Variants in JAK1 observed in about 807,000 individuals in gnomAD.
JAK1 encodes the protein Janus kinase 1.
In JAK1, 16 loss-of-function variants were observed where a neutral mutation model predicts 136.6. The observed-to-expected ratio is 0.12, with a 90% CI of 0.08 to 0.18. The LOEUF (loss-of-function observed/expected upper bound fraction) is 0.18. JAK1 is among the 10% of genes least tolerant of loss of function. The pLI is 1.00. For missense variants in JAK1, 859 were observed against 1,450.1 expected (o/e 0.59, Z 6.62); for synonymous variants, 492 against 519.5 (o/e 0.95, Z 0.72).
At chr1:64,940,068 C>T (rs972103513) in intron 1 of JAK1, among the ~76,000 whole-genome samples, 2 of 151,848 alleles carry the variant, frequency 1.3e-5, no homozygotes, top group Non-Finnish European at 2.9e-5. Flanking sequence ...AACTAGATGT[C>T]AACAAACCTA....
chr1:65,062,015 C>G (rs1647812500), intron 1 of JAK1, among the ~76,000 whole-genome samples: 1 of 151,946 alleles, frequency 6.6e-6, no homozygotes, highest in Non-Finnish European at 1.5e-5. Flanking sequence ...TAATCTCATG[C>G]TATGTAACTT....
chr1:64,966,777 T>C (rs1404882227), upstream of JAK1, among the ~76,000 whole-genome samples: 2 of 149,836 alleles, frequency 1.3e-5, no homozygotes, highest in African/African-American at 2.4e-5. Context: ...TTCTAGAATC[T>C]AGAAACTCAT....
At chr1:64,836,709 C>A (rs61784687) in intron 22 of JAK1, among the ~76,000 whole-genome samples, 2,672 of 152,270 alleles carry the variant, frequency 0.018, 27 homozygotes, top group Non-Finnish European at 0.024. Context: ...CTACTCACTT[C>A]TCTCAAACCC....
intron 3 of JAK1, among the ~76,000 whole-genome samples, 164 bp downstream of exon 3, chr1:64,883,113 G>A (rs1345188725): frequency 6.6e-6 from 1 of 152,178 alleles, no homozygotes; most frequent in Non-Finnish European, 1.5e-5. Context: ...AGAATCACTG[G>A]CCTAAGGTCA....
rs558696340 is a variant in JAK1, at chr1:64,843,557, C to T, written c.2403+507G>A. Among the ~76,000 whole-genome samples, 27 of 152,228 alleles carry T rather than the reference C, an allele frequency of 1.8e-4. No individual in the cohort carries two copies. In the East Asian group the frequency reaches 5.0e-3, roughly 28 times the overall value. ...AATTTGCAGGGCTCTTAGGGTGACA[C>T]TTTCAGGTATTCTTTCTGGAATTCT... On this transcript the variant is annotated intron_variant, in intron 17 of 24. Coordinates refer to ENST00000342505, the MANE Select transcript of JAK1 (RefSeq NM_002227.4).
chr1:64,851,918 C>T (rs1655620087), intron 11 of JAK1, among the ~76,000 whole-genome samples: 2 of 152,172 alleles, frequency 1.3e-5, no homozygotes, highest in South Asian at 4.1e-4. Flanking sequence ...CCATTCCAGT[C>T]CTGATTCCTG....
intron 1 of JAK1, among the ~76,000 whole-genome samples, chr1:64,913,408 A>G (rs1286320648): frequency 6.6e-6 from 1 of 152,078 alleles, no homozygotes; most frequent in Non-Finnish European, 1.5e-5. Flanking sequence ...GGACTCACTC[A>G]ACACCATGGC....
chr1:64,887,592 G>C (rs866972527), intron 1 of JAK1, among the ~76,000 whole-genome samples: 2 of 152,286 alleles, frequency 1.3e-5, no homozygotes, highest in Non-Finnish European at 1.5e-5. Context: ...TACAGTCAAT[G>C]GGAAGAATGG....
chr1:65,013,556 A>G (rs945549019), intron 2 of JAK1, among the ~76,000 whole-genome samples: 1 of 152,218 alleles, frequency 6.6e-6, no homozygotes, highest in Admixed American at 6.5e-5. Context: ...ATTTGTAATC[A>G]CTTGCTGGCA....
chr1:65,040,766 G>A (rs1288420066), intron 2 of JAK1, among the ~76,000 whole-genome samples: 2 of 152,002 alleles, frequency 1.3e-5, no homozygotes, highest in Non-Finnish European at 2.9e-5. Flanking sequence ...CACCTATTAT[G>A]TCCTAGGCAT....
intron 1 of JAK1, among the ~76,000 whole-genome samples, chr1:64,955,355 G>A (rs1204800832): frequency 6.6e-6 from 1 of 152,192 alleles, no homozygotes; most frequent in Non-Finnish European, 1.5e-5. Flanking sequence ...GGGTAGGGAG[G>A]GGCAGAGGAA....
At position 64,838,068 on chromosome 1, in the gene JAK1, G is replaced by A. The variant is rs1654603239; in HGVS notation, c.3004C>T (p.Arg1002Trp). ...DYLGSRQYVH[R>W]DLAARNVLVE... is the part of the protein sequence containing the mutation. ...AGGACATTTCTTGCTGCCAAGTCCC[G>A]GTGAACGTATTGCCGAGAACCCAAA... Residue 1002 changes from arginine (R) to tryptophan (W), a missense_variant, in exon 22 of 25, where the codon CGG (arginine) becomes TGG (tryptophan). Arg to Trp is a moderately radical substitution (Grantham distance 101). Transcript: ENST00000342505. 3 of 1,613,930 alleles carry A rather than the reference G, an allele frequency of 1.9e-6. No individual in the cohort carries two copies. Among genetic ancestry groups the A allele is most frequent in the African/African-American group, 1.3e-5 (1 of 74,894 alleles).
At chr1:64,846,043 C>T (rs1157020901) in intron 14 of JAK1, among the ~76,000 whole-genome samples, 1 of 152,230 alleles carries the variant, frequency 6.6e-6, no homozygotes, top group Non-Finnish European at 1.5e-5. Flanking sequence ...TCCCTCTCAA[C>T]AGGACTCCTG....
At chr1:64,839,582 C>A in intron 20 of JAK1, 21 bp downstream of exon 20, 17 of 1,606,884 alleles carry the variant, frequency 1.1e-5, no homozygotes, top group Non-Finnish European at 1.4e-5. Flanking sequence ...TTAAACCGGA[C>A]CCCAGCCTTG....
chr1:64,853,572 TATTA>T (rs60369070), intron 11 of JAK1, among the ~76,000 whole-genome samples: 30,196 of 152,062 alleles, frequency 0.2, 3,333 homozygotes, highest in East Asian at 0.29. Context: ...CAGCCGTTCT[TATTA>T]ATTATTACTA....
At chr1:64,977,145 G>GTTTA (rs1283835069) in intron 2 of JAK1, among the ~76,000 whole-genome samples, 1 of 146,250 alleles carries the variant, frequency 6.8e-6, no homozygotes, top group East Asian at 2.1e-4. Context: ...CATCTTGTTT[G>GTTTA]TTTGTTTGTT....
chr1:64,912,009 C>T (rs1010453912), intron 1 of JAK1, among the ~76,000 whole-genome samples: 7 of 152,178 alleles, frequency 4.6e-5, no homozygotes, highest in Non-Finnish European at 7.3e-5. Context: ...TCATCATCTG[C>T]CTTACATTAA....
At position 64,833,997 on chromosome 1, in the gene JAK1, C is replaced by T. The variant is rs1654308486; in HGVS notation, c.*565G>A. On this transcript the variant is annotated 3_prime_UTR_variant, in exon 25 of 25. Transcript: ENST00000342505. ...CCACTGGAGAAACAAAGTTTAAGTC[C>T]TACTGGTGAGAGAATACAGTCATTT... 4.3e-6 allele frequency: 1 copy of T among 232,218 alleles called. No homozygotes were observed. The highest frequency in any genetic ancestry group is 5.6e-5 in the Admixed American group (1 of 17,736). 14.4% of individuals were successfully genotyped at this position (232,218 alleles called of 1,614,324 possible).
chr1:64,867,317 A>C (rs1381986860), intron 6 of JAK1, 109 bp from the exon 7 acceptor site: 1 of 748,212 alleles, frequency 1.3e-6, no homozygotes, highest in Non-Finnish European at 2.1e-6. Context: ...TGGGAAAGGG[A>C]GATCTATTCC....
Sources: allele counts gnomAD v4.1 joint callset (sites outside exome capture counted in the v4.1 genomes callset), GRCh38; gene constraint gnomAD v4.1.1; transcripts MANE v1.5; gene names NCBI Gene and HGNC (gene_info 2026-07-23, HGNC 2026-07-21).